SLC16A3: variants seen among roughly 807,000 people sequenced by gnomAD.
The protein encoded by SLC16A3 is monocarboxylate transporter 4.
In SLC16A3, 22 loss-of-function variants were observed where a neutral mutation model predicts 25.0. The ratio of observed to expected loss-of-function variants is 0.88; its 90% confidence interval spans 0.63 to 1.26. SLC16A3 has a LOEUF of 1.26. Ranked by LOEUF, SLC16A3 falls within the 50% of genes most tolerant of loss-of-function variation. The pLI, the probability that SLC16A3 is intolerant of heterozygous loss-of-function variation, is 0.00. For synonymous variants in SLC16A3, 390 were observed against 309.2 expected (o/e 1.26, Z -2.74); for missense variants, 731 against 666.6 (o/e 1.10, Z -1.06).
chr17:82,224,353 G>A (rs1346079562), upstream of SLC16A3, among the ~76,000 whole-genome samples: 1 of 104,036 alleles, frequency 9.6e-6, no homozygotes, highest in African/African-American at 4.1e-5. Context: ...CACCTGTGCA[G>A]ACACACCCCT....
Position 82,238,908 on chromosome 17 carries a change from G to A in SLC16A3, c.1330G>A (p.Glu444Lys). 1 of 1,598,330 alleles carries A rather than the reference G, an allele frequency of 6.3e-7. No individual in the cohort carries two copies. The highest frequency in any genetic ancestry group is 8.6e-7 in the Non-Finnish European group (1 of 1,169,346). ...CTCGGGGGTGGACTTGCGGGAGGTG[G>A]AGCATTTCCTGAAGGCTGAGCCTGA... ...ADSGVDLREV[E>K]HFLKAEPEKN... Residue 444 changes from glutamate to lysine, a missense_variant, in exon 5 of 5, where the codon GAG becomes AAG. By Grantham distance (56) the Glu-to-Lys change is moderately conservative. Transcript: ENST00000582743.
upstream of SLC16A3, among the ~76,000 whole-genome samples, chr17:82,226,240 G>C (rs9303025): frequency 0.67 from 102,179 of 151,888 alleles, 34,750 homozygotes; most frequent in East Asian, 0.93. Context: ...TGTGGGGTCA[G>C]AGGGGGGCGT....
chr17:82,218,172 C>A (rs956170267), exon 1 of SLC16A3, among the ~76,000 whole-genome samples: 1 of 152,198 alleles, frequency 6.6e-6, no homozygotes. Context: ...ATGACAAGCT[C>A]TGGGTAACCC....
rs778595259 is a variant in SLC16A3, at chr17:82,237,379, G to A, written c.609G>A (p.Thr203=). ...CAALMRPLVV[T]AQPGSGPPRP... Reference sequence around the variant, plus strand: ...CACTCATGAGGCCCCTGGTGGTCACGGCCCAGCCGGGCTCGGGGCCGCCGC... The same window carrying A: ...CACTCATGAGGCCCCTGGTGGTCACAGCCCAGCCGGGCTCGGGGCCGCCGC... The change falls in exon 4 of 5, where the codon ACG becomes ACA. Residue 203 remains threonine, a synonymous_variant. Transcript: ENST00000582743. The A allele has an allele frequency of 9.1e-6, 14 of 1,541,638 alleles. No homozygotes were observed. The highest frequency in any genetic ancestry group is 6.8e-5 in the African/African-American group (5 of 73,064).
chr17:82,238,750 C>A lies in SLC16A3; in HGVS notation c.1172C>A (p.Ala391Glu), dbSNP rs776431825. Residue 391 changes from alanine to glutamate, a missense_variant, in exon 5 of 5, where the codon GCG becomes GAG. By Grantham distance (107) the Ala-to-Glu change is moderately radical (BLOSUM62 -1). Coordinates refer to ENST00000582743, the MANE Select transcript of SLC16A3 (RefSeq NM_004207.4). Reference protein sequence around the residue: ...THVYMYVFILAGAEVLTSSLI... With the variant: ...THVYMYVFILEGAEVLTSSLI... ...GTCTACATGTACGTGTTCATCCTGG[C>A]GGGGGCCGAGGTGCTCACCTCCTCC... 3.1e-6 allele frequency: 5 copies of A among 1,612,420 alleles called. No homozygotes were observed. The South Asian group carries it at 5.5e-5, about 18-fold the overall frequency.
At chr17:82,227,570 G>GGGAGCACCACCTGCCCTGGGCA (rs2050431768), upstream of SLC16A3, among the ~76,000 whole-genome samples, 7 of 144,206 alleles carry the variant, frequency 4.9e-5, no homozygotes, top group Non-Finnish European at 9.5e-5. Flanking sequence ...GCAGGAAGAT[G>GGGAGCACCACCTGCCCTGGGCA]GGAGCACCAC....
intron 1 of SLC16A3, among the ~76,000 whole-genome samples, chr17:82,221,792 CAGGCAGGAGGCGG>C (rs2147106489): frequency 6.6e-6 from 1 of 152,212 alleles, no homozygotes; most frequent in South Asian, 2.1e-4. Flanking sequence ...GAGTCTCAGC[CAGGCAGGAGGCGG>C]AGGCAGGAGG....
At chr17:82,225,971 G>A (rs532396814), upstream of SLC16A3, among the ~76,000 whole-genome samples, 1 of 152,108 alleles carries the variant, frequency 6.6e-6, no homozygotes, top group Admixed American at 6.5e-5. Context: ...GCAGCCCATG[G>A]GGAGGAAGCA....
Position 82,237,862 on chromosome 17 carries a change from G to A in SLC16A3, c.1092G>A (p.Ala364=), listed in dbSNP as rs536867522. 37 of 1,602,770 alleles carry A rather than the reference G, an allele frequency of 2.3e-5. No individual in the cohort carries two copies. The highest frequency in any genetic ancestry group is 2.2e-4 in the Admixed American group (13 of 59,988). ...TTGGCCTGGTGCTGCTGATGGAGGC[G>A]GTGGCCGTGCTCGTCGGGCCCCCTT... ...SAIGLVLLME[A]VAVLVGPPSG... The change falls in exon 4 of 5, where the codon GCG becomes GCA. Residue 364 remains alanine (A), a synonymous_variant. Transcript: ENST00000582743.
chr17:82,222,782 G>A (rs553218982), intron 1 of SLC16A3, among the ~76,000 whole-genome samples: 2 of 142,868 alleles, frequency 1.4e-5, no homozygotes, highest in African/African-American at 5.2e-5. Flanking sequence ...CAGCCTGGGG[G>A]ACAAGAGCGA....
chr17:82,222,601 C>T (rs566277980), intron 1 of SLC16A3, among the ~76,000 whole-genome samples: 17 of 152,184 alleles, frequency 1.1e-4, no homozygotes, highest in African/African-American at 2.2e-4. Flanking sequence ...GTCAGGAGTT[C>T]GAGACCAGCG....
At chr17:82,234,053 G>T (rs1046687693) in intron 1 of SLC16A3, 2 of 56,950 alleles carry the variant, frequency 3.5e-5, no homozygotes, top group East Asian at 4.9e-4. Flanking sequence ...TGTTAGCCAG[G>T]ATGGTCTCGA....
chr17:82,236,569 GGCCTGCGCTCGGGGA>G, intron 2 of SLC16A3, 145 bp from the exon 3 acceptor site: 2 of 1,033,934 alleles, frequency 1.9e-6, no homozygotes, highest in Non-Finnish European at 2.8e-6. Context: ...GTGTCATCAT[GGCCTGCGCTCGGGGA>G]GCCTGCCCAC....
intron 2 of SLC16A3, 48 bp downstream of exon 2, chr17:82,236,279 G>A (rs1472643750): frequency 1.9e-6 from 3 of 1,551,878 alleles, no homozygotes; most frequent in Non-Finnish European, 2.7e-6. Flanking sequence ...TCTGCTGGCG[G>A]ATCCTGCTGG....
intron 3 of SLC16A3, 31 bp from the exon 4 acceptor site, chr17:82,237,107 G>T (rs780188589): frequency 9.4e-6 from 14 of 1,485,766 alleles, no homozygotes; most frequent in Non-Finnish European, 3.6e-6. Context: ...GGCAGCCTTG[G>T]GGGGCTCTCA....
At chr17:82,224,941 C>T (rs2050412989), upstream of SLC16A3, among the ~76,000 whole-genome samples, 1 of 152,212 alleles carries the variant, frequency 6.6e-6, no homozygotes, top group Non-Finnish European at 1.5e-5. Context: ...TTCTCCTGCC[C>T]TTTTCACCTC....
At chr17:82,218,537 G>A (rs886954079) in intron 1 of SLC16A3, among the ~76,000 whole-genome samples, 1 of 152,164 alleles carries the variant, frequency 6.6e-6, no homozygotes, top group East Asian at 1.9e-4. Flanking sequence ...TGTCAATAGC[G>A]CAGGGGTGCA....
At chr17:82,228,040 G>C (rs1438437420), upstream of SLC16A3, among the ~76,000 whole-genome samples, 2 of 152,184 alleles carry the variant, frequency 1.3e-5, no homozygotes, top group African/African-American at 2.4e-5. Context: ...GTGTGTGAAG[G>C]CACGGGCTTA....
chr17:82,231,821 G>A (rs1164299870), intron 1 of SLC16A3: 1 of 134,664 alleles, frequency 7.4e-6, no homozygotes, highest in Non-Finnish European at 1.6e-5. Flanking sequence ...CGTGATGTAA[G>A]CGGACACAGA....
Sources: gnomAD v4.1 joint callset for allele counts (sites outside exome capture counted in the v4.1 genomes callset) on GRCh38, gnomAD v4.1.1 for gene constraint, MANE v1.5 for transcripts, NCBI Gene and HGNC (gene_info 2026-07-23, HGNC 2026-07-21) for gene names.